Variants in ITGA7 observed in about 807,000 individuals in gnomAD.
ITGA7 encodes the protein integrin alpha-7.
In ITGA7, 84 loss-of-function variants were observed where a neutral mutation model predicts 131.6. That is an observed-to-expected ratio of 0.64 (90% CI 0.54 to 0.77). The LOEUF (loss-of-function observed/expected upper bound fraction) is 0.77. Ranked by LOEUF, ITGA7 falls within the 30% of genes least tolerant of loss-of-function variation. The pLI, the probability that ITGA7 is intolerant of heterozygous loss-of-function variation, is 0.00. For synonymous variants in ITGA7, 548 were observed against 600.7 expected (o/e 0.91, Z 1.28); for missense variants, 1,399 against 1,482.9 (o/e 0.94, Z 0.93).
chr12:55,707,360 T>C (rs1283218361), intron 1 of ITGA7, 117 bp downstream of exon 1: 4 of 823,830 alleles, frequency 4.9e-6, no homozygotes, highest in Admixed American at 4.2e-5. Context: ...GGGATGTCTG[T>C]GGGCAGTCTA....
chr12:55,716,054 G>A (rs763485368), upstream of ITGA7: 2 of 1,554,936 alleles, frequency 1.3e-6, no homozygotes, highest in African/African-American at 1.4e-5. Context: ...CACGTGACAT[G>A]GCCCCGGGGA....
upstream of ITGA7, among the ~76,000 whole-genome samples, chr12:55,710,651 C>G (rs1876013272): frequency 6.6e-6 from 1 of 151,560 alleles, no homozygotes; most frequent in African/African-American, 2.4e-5. Flanking sequence ...GTGGTCCCAG[C>G]TACTCAGGAG....
intron 21 of ITGA7, among the ~76,000 whole-genome samples, chr12:55,691,433 T>G (rs1224522847): frequency 6.6e-6 from 1 of 152,178 alleles, no homozygotes; most frequent in East Asian, 1.9e-4. Flanking sequence ...CTGTAGTTAA[T>G]AACAACATAT....
At chr12:55,713,024 AC>A (rs149545055), upstream of ITGA7, among the ~76,000 whole-genome samples, 3 of 150,002 alleles carry the variant, frequency 2.0e-5, no homozygotes, top group Non-Finnish European at 3.0e-5. Context: ...CACTTTTGAG[AC>A]CCCCCCAACA....
chr12:55,708,924 G>A (rs942311782), upstream of ITGA7, among the ~76,000 whole-genome samples: 4 of 152,170 alleles, frequency 2.6e-5, no homozygotes, highest in Non-Finnish European at 5.9e-5. Flanking sequence ...AGAGGCAAGG[G>A]GGTGGGGGGA....
intron 1 of ITGA7, among the ~76,000 whole-genome samples, chr12:55,707,064 G>T (rs564180601): frequency 3.9e-4 from 59 of 152,272 alleles, no homozygotes; most frequent in African/African-American, 1.2e-3. Flanking sequence ...TCCCTCTCAT[G>T]GCACCCTCAA....
intron 19 of ITGA7, 127 bp from the exon 20 acceptor site, chr12:55,693,444 G>C (rs925390535): frequency 3.6e-6 from 3 of 824,540 alleles, no homozygotes; most frequent in Non-Finnish European, 5.8e-6. Context: ...AAGTGATCCT[G>C]CCACCTTGGC....
chr12:55,696,266 C>G lies in ITGA7; in HGVS notation c.1887+17G>C. On this transcript the variant is annotated intron_variant, in intron 13 of 24. Coordinates refer to ENST00000257879, the MANE Select transcript of ITGA7 (RefSeq NM_002206.3). Reference sequence around the variant, plus strand: ...TCCCAGCTCCTCCCCCTGGGCTAAACCAGAACCCATGCTCACCTCTGCCCG... The same window carrying G: ...TCCCAGCTCCTCCCCCTGGGCTAAAGCAGAACCCATGCTCACCTCTGCCCG... 2 of 1,559,224 alleles carry G rather than the reference C, an allele frequency of 1.3e-6. No homozygotes were observed. Among genetic ancestry groups the G allele is most frequent in the Non-Finnish European group, 8.7e-7 (1 of 1,152,880 alleles).
At position 55,685,145 on chromosome 12, in the gene ITGA7, C is replaced by T. The variant is rs1869790976; in HGVS notation, c.3327G>A (p.Arg1109=). Residue 1109 remains arginine (R), a synonymous_variant, in exon 25 of 25, where the codon CGG becomes CGA. Coordinates refer to ENST00000257879, the MANE Select transcript of ITGA7 (RefSeq NM_002206.3). The stretch of plus-strand genomic sequence containing the variant: ...GGATGGGGTGTGCATCCGGGCCCTC[C>T]CGCCGGGGGCTGCCCCAGTTGTTCC... ...ILRNNWGSPR[R]EGPDAHPILA... The T allele has an allele frequency of 6.2e-7, 1 of 1,613,772 alleles. No homozygotes were observed. The highest frequency in any genetic ancestry group is 8.5e-7 in the Non-Finnish European group (1 of 1,180,012).
upstream of ITGA7, among the ~76,000 whole-genome samples, chr12:55,712,735 G>C (rs1565649372): frequency 6.6e-6 from 1 of 152,164 alleles, no homozygotes; most frequent in Non-Finnish European, 1.5e-5. Context: ...ACTAAGGTTA[G>C]ACAGTGAACA....
At chr12:55,710,858 G>A (rs1876038274), upstream of ITGA7, among the ~76,000 whole-genome samples, 1 of 152,136 alleles carries the variant, frequency 6.6e-6, no homozygotes, top group Admixed American at 6.6e-5. Flanking sequence ...GGCTGCCAGG[G>A]GACAAGGATG....
chr12:55,690,277 A>G (rs1419681378), intron 21 of ITGA7, among the ~76,000 whole-genome samples: 3 of 152,188 alleles, frequency 2.0e-5, no homozygotes, highest in African/African-American at 7.2e-5. Flanking sequence ...ATTTACAAGA[A>G]CAAAACAAAC....
chr12:55,692,248 C>A (rs1871583305), intron 21 of ITGA7, among the ~76,000 whole-genome samples: 1 of 152,142 alleles, frequency 6.6e-6, no homozygotes, highest in African/African-American at 2.4e-5. Context: ...GAAACCCCGT[C>A]TCTACTAAAA....
Position 55,696,345 on chromosome 12 carries a change from G to A in ITGA7, c.1825C>T (p.Gln609Ter), listed in dbSNP as rs148136365. 10 of 1,587,522 alleles carry A rather than the reference G, an allele frequency of 6.3e-6. No homozygotes were observed. Among genetic ancestry groups the A allele is most frequent in the Non-Finnish European group, 8.6e-6 (10 of 1,165,834 alleles). Residue 609 changes from glutamine to a stop codon, truncating the protein, a stop_gained, in exon 13 of 25, where the codon CAG becomes TAG. Coordinates refer to ENST00000257879, the MANE Select transcript of ITGA7 (RefSeq NM_002206.3). LOFTEE classifies it high-confidence loss of function. ...TPRLRRQAPG[Q>*]GLPPVAPILN... ...ATGGGGGCCACTGGAGGCAGCCCCT[G>A]GCCAGGAGCCTGTCGCCGGAGCCGA...
upstream of ITGA7, among the ~76,000 whole-genome samples, chr12:55,709,628 G>A (rs1039695497): frequency 6.6e-6 from 1 of 152,214 alleles, no homozygotes; most frequent in African/African-American, 2.4e-5. Flanking sequence ...ACATGGGAAT[G>A]CAGAATTGCA....
At chr12:55,697,648 G>A (rs1219759976) in intron 9 of ITGA7, 47 bp downstream of exon 9, 4 of 1,613,892 alleles carry the variant, frequency 2.5e-6, no homozygotes, top group East Asian at 2.2e-5. Context: ...AGAGTCACAG[G>A]GAGGGGCTGA....
upstream of ITGA7, among the ~76,000 whole-genome samples, chr12:55,711,566 C>T (rs1876121841): frequency 2.6e-5 from 4 of 152,064 alleles, no homozygotes; most frequent in South Asian, 8.3e-4. Flanking sequence ...TTATCCACTC[C>T]ACTCCATGGA....
At chr12:55,686,364 T>C (rs3782239) in intron 24 of ITGA7, 592,426 of 1,146,346 alleles carry the variant, frequency 0.52, 159,265 homozygotes, top group East Asian at 0.94. Context: ...GATGGAAAGA[T>C]TGAGGAAGGA....
At chr12:55,700,812 A>G in intron 4 of ITGA7, 87 bp downstream of exon 4, 1 of 1,541,974 alleles carries the variant, frequency 6.5e-7, no homozygotes, top group South Asian at 1.1e-5. Flanking sequence ...ACATGTGGTC[A>G]TGCTTGGCCA....
Sources: allele counts gnomAD v4.1 joint callset (sites outside exome capture counted in the v4.1 genomes callset), GRCh38; gene constraint gnomAD v4.1.1; transcripts MANE v1.5; gene names NCBI Gene and HGNC (gene_info 2026-07-23, HGNC 2026-07-21).